The following VSTM5 variants were observed in gnomAD, a reference collection of about 807,000 sequenced individuals.
VSTM5 encodes the protein V-set and transmembrane domain-containing protein 5.
Under a neutral mutation model 20.3 loss-of-function variants are expected in VSTM5, and 21 were observed. The observed-to-expected ratio is 1.03, with a 90% CI of 0.73 to 1.49. The LOEUF (loss-of-function observed/expected upper bound fraction) is 1.49. VSTM5 is among the 40% of genes most tolerant of loss of function. VSTM5 has a pLI of 0.00. For missense variants in VSTM5, 219 were observed against 250.0 expected (o/e 0.88, Z 0.84); for synonymous variants, 100 against 102.5 (o/e 0.98, Z 0.14).
rs373931967 is a variant in VSTM5 at position 93,820,431 on chromosome 11, A to G, written c.*138T>C. 11 of 860,632 alleles carry G rather than the reference A, an allele frequency of 1.3e-5. No individual in the cohort carries two copies. In the African/African-American group the frequency reaches 1.3e-4, roughly 11 times the overall value. 53.3% of individuals were successfully genotyped at this position (860,632 alleles called of 1,614,324 possible). A position where few individuals can be genotyped will look rare whatever the true frequency, so the allele number is the denominator to read the frequency against. On this transcript the variant is annotated 3_prime_UTR_variant, in exon 4 of 4. Coordinates refer to ENST00000409977, the MANE Select transcript of VSTM5 (RefSeq NM_001144871.2). ...CACAGTCCTCAACTCCATGCAGTCA[A>G]TGTTGTTAATCTCCCACTGTCCTGT...
chr11:93,842,456 T>A (rs1403304164), intron 1 of VSTM5, among the ~76,000 whole-genome samples: 1 of 152,244 alleles, frequency 6.6e-6, no homozygotes, highest in Non-Finnish European at 1.5e-5. Context: ...AGAGCCACCT[T>A]GCTGGAAAGC....
At position 93,818,906 on chromosome 11, in the gene VSTM5, GC is replaced by G. The variant is rs1333107035; in HGVS notation, c.*1662del. ...GTTTACCCGTGTGTCTACAGGAGGC[GC>G]CTTGAGGGTATCTTCTACCTGTCAG... On this transcript the variant is annotated 3_prime_UTR_variant, in exon 4 of 4. Coordinates refer to ENST00000409977, the MANE Select transcript of VSTM5 (RefSeq NM_001144871.2). 6.6e-6 allele frequency: 1 copy of G among 152,230 alleles called. No individual in the cohort carries two copies. Among genetic ancestry groups the G allele is most frequent in the Non-Finnish European group, 1.5e-5 (1 of 68,078 alleles). The allele number at this position is 152,230 out of a possible 1,614,324, so 9.4% of individuals were successfully genotyped here. A position where few individuals can be genotyped will look rare whatever the true frequency, so the allele number is the denominator to read the frequency against.
intron 1 of VSTM5, among the ~76,000 whole-genome samples, chr11:93,835,560 GC>G (rs1466609361): frequency 2.0e-5 from 3 of 152,104 alleles, no homozygotes; most frequent in African/African-American, 7.2e-5. Flanking sequence ...TTGATCCTAG[GC>G]CCTGTCCTTT....
intron 1 of VSTM5, among the ~76,000 whole-genome samples, chr11:93,839,860 G>A (rs11827352): frequency 8.7e-4 from 133 of 152,310 alleles, no homozygotes; most frequent in African/African-American, 3.0e-3. Context: ...AGGTAATCAA[G>A]TTAAAATGAG....
chr11:93,848,898 G>C lies in VSTM5; in HGVS notation c.91+1514C>G, dbSNP rs148317978. On this transcript the variant is annotated intron_variant, in intron 1 of 3. Coordinates refer to ENST00000409977, the MANE Select transcript of VSTM5 (RefSeq NM_001144871.2). ...ATGGTGATTAGAAACAAGTGATAAAGGTTTGAGAAATAATATAAAAAGCCA... is the reference window on the plus strand; with the variant it reads ...ATGGTGATTAGAAACAAGTGATAAACGTTTGAGAAATAATATAAAAAGCCA... Among the ~76,000 whole-genome samples, 124 of 152,260 alleles carry C rather than the reference G, an allele frequency of 8.1e-4. 3 individuals are homozygous for C. Among genetic ancestry groups the C allele is most frequent in the African/African-American group, 2.9e-3 (119 of 41,550 alleles).
At chr11:93,823,204 C>CT (rs67984385) in intron 1 of VSTM5, among the ~76,000 whole-genome samples, 7,809 of 148,698 alleles carry the variant, frequency 0.053, 656 homozygotes, top group African/African-American at 0.18. Flanking sequence ...TTTTCCTTTT[C>CT]TTTTTTTTTT....
At chr11:93,832,265 A>G (rs1944289091) in intron 1 of VSTM5, among the ~76,000 whole-genome samples, 2 of 152,242 alleles carry the variant, frequency 1.3e-5, no homozygotes, top group Non-Finnish European at 2.9e-5. Flanking sequence ...TTGACATTAG[A>G]TGATCTCAAA....
chr11:93,840,784 G>C (rs1231601970), intron 1 of VSTM5, among the ~76,000 whole-genome samples: 1 of 152,150 alleles, frequency 6.6e-6, no homozygotes, highest in Non-Finnish European at 1.5e-5. Context: ...CATTCAGTAG[G>C]GTGAGGTGAG....
intron 1 of VSTM5, among the ~76,000 whole-genome samples, chr11:93,831,593 C>T (rs1944284950): frequency 6.6e-6 from 1 of 152,184 alleles, no homozygotes; most frequent in Admixed American, 6.5e-5. Flanking sequence ...GGAGAGGGCT[C>T]ACCATGATCT....
chr11:93,843,845 C>T (rs1489540199), intron 1 of VSTM5, among the ~76,000 whole-genome samples: 1 of 152,158 alleles, frequency 6.6e-6, no homozygotes, highest in Non-Finnish European at 1.5e-5. Context: ...ACCCCCAATT[C>T]CAGTTGTACC....
chr11:93,838,794 T>C (rs1000316950), intron 1 of VSTM5, among the ~76,000 whole-genome samples: 1 of 152,036 alleles, frequency 6.6e-6, no homozygotes, highest in Non-Finnish European at 1.5e-5. Context: ...CGAGACCCTG[T>C]CTAAAAAAAA....
intron 1 of VSTM5, among the ~76,000 whole-genome samples, chr11:93,845,657 G>A (rs1944406699): frequency 6.6e-6 from 1 of 152,152 alleles, no homozygotes; most frequent in Admixed American, 6.5e-5. Flanking sequence ...CAGGTGCAGA[G>A]AAGCCAGCGT....
At position 93,819,285 on chromosome 11, in the gene VSTM5, T is replaced by C. The variant is rs553847020; in HGVS notation, c.*1284A>G. On this transcript the variant is annotated 3_prime_UTR_variant, in exon 4 of 4. Coordinates refer to ENST00000409977, the MANE Select transcript of VSTM5 (RefSeq NM_001144871.2). ...TCTGTAGCTATGAATATTGGAGAGATAAGAGAATGGAAAATAAATCCATGC... is the reference window on the plus strand; with the variant it reads ...TCTGTAGCTATGAATATTGGAGAGACAAGAGAATGGAAAATAAATCCATGC... 2.0e-5 allele frequency: 3 copies of C among 152,266 alleles called. No individual in the cohort carries two copies. In the East Asian group the frequency reaches 5.8e-4, roughly 29 times the overall value. The allele number at this position is 152,266 out of a possible 1,614,324, so 9.4% of individuals were successfully genotyped here.
chr11:93,828,968 T>C (rs961224549), intron 1 of VSTM5, among the ~76,000 whole-genome samples: 1 of 152,090 alleles, frequency 6.6e-6, no homozygotes, highest in Non-Finnish European at 1.5e-5. Context: ...AGCTGGGAGA[T>C]CTGGAAAAGT....
chr11:93,827,677 T>A (rs1944249994), intron 1 of VSTM5: 1 of 151,320 alleles, frequency 6.6e-6, no homozygotes, highest in African/African-American at 2.4e-5. Context: ...CAGTTACAGA[T>A]GAAACCCCTT....
chr11:93,850,546 A>AC lies in VSTM5; in HGVS notation c.-45dup. ...GCGGGCCGGGGTGTGTGCTGGCCGC[A>AC]CCGCGCTGCAGCTCCTATGCAGCCT... On this transcript the variant is annotated 5_prime_UTR_variant, in exon 1 of 4. Transcript: ENST00000409977. 6.9e-7 allele frequency: 1 copy of AC among 1,444,996 alleles called. No individual in the cohort carries two copies. The highest frequency in any genetic ancestry group is 9.4e-7 in the Non-Finnish European group (1 of 1,063,738). The allele number at this position is 1,444,996 out of a possible 1,614,324, so 89.5% of individuals were successfully genotyped here.
chr11:93,848,613 T>A (rs1944432490), intron 1 of VSTM5, among the ~76,000 whole-genome samples: 1 of 152,226 alleles, frequency 6.6e-6, no homozygotes, highest in Non-Finnish European at 1.5e-5. Context: ...TCTGAGACGC[T>A]AGGGCTTCTA....
chr11:93,838,000 G>A (rs1445286651), intron 1 of VSTM5, among the ~76,000 whole-genome samples: 1 of 152,030 alleles, frequency 6.6e-6, no homozygotes, highest in Non-Finnish European at 1.5e-5. Context: ...GCAGGGGGGT[G>A]GGGGTGGGAG....
At chr11:93,828,759 C>CCTTA (rs1944257742) in intron 1 of VSTM5, among the ~76,000 whole-genome samples, 1 of 152,186 alleles carries the variant, frequency 6.6e-6, no homozygotes, top group Non-Finnish European at 1.5e-5. Context: ...TCATTGTCAT[C>CCTTA]CTTATCAAGC....
Sources: allele counts gnomAD v4.1 joint callset (sites outside exome capture counted in the v4.1 genomes callset), GRCh38; gene constraint gnomAD v4.1.1; transcripts MANE v1.5; gene names NCBI Gene and HGNC (gene_info 2026-07-23, HGNC 2026-07-21).